GRIK2: variants seen among roughly 807,000 people sequenced by gnomAD.
GRIK2 encodes glutamate ionotropic receptor kainate type subunit 2.
GRIK2 carries 32 observed loss-of-function variants against 100.3 expected under a neutral mutation model. That is an observed-to-expected ratio of 0.32 (90% CI 0.24 to 0.43). The LOEUF is 0.43. Among genes scored for constraint, GRIK2 ranks in the 20% least tolerant of loss-of-function variants. GRIK2 has a pLI of 1.00. For synonymous variants in GRIK2, 417 were observed against 389.4 expected (o/e 1.07, Z -0.83); for missense variants, 843 against 1,114.9 (o/e 0.76, Z 3.47).
intron 12 of GRIK2, among the ~76,000 whole-genome samples, chr6:101,909,747 C>T (rs1194446996): frequency 2.0e-5 from 3 of 150,760 alleles, no homozygotes. Context: ...TACATATACA[C>T]ACATACAGAT....
chr6:102,001,864 A>C (rs1459017566), intron 14 of GRIK2, among the ~76,000 whole-genome samples: 1 of 151,820 alleles, frequency 6.6e-6, no homozygotes, highest in Admixed American at 6.6e-5. Flanking sequence ...TTTCTAAGTA[A>C]TCAATGATTT....
chr6:101,979,104 C>T (rs1327432176), intron 14 of GRIK2, among the ~76,000 whole-genome samples: 2 of 152,066 alleles, frequency 1.3e-5, no homozygotes, highest in East Asian at 3.9e-4. Flanking sequence ...CAGTTTTATG[C>T]TCCCAAATTC....
intron 11 of GRIK2, among the ~76,000 whole-genome samples, chr6:101,877,109 G>C (rs1785905636): frequency 6.6e-6 from 1 of 151,612 alleles, no homozygotes. Context: ...AAAGTAATTG[G>C]TGCAATGTTA....
At chr6:101,601,417 A>G (rs890247715) in intron 2 of GRIK2, among the ~76,000 whole-genome samples, 3 of 151,848 alleles carry the variant, frequency 2.0e-5, no homozygotes, top group African/African-American at 7.2e-5. Flanking sequence ...TGTCTCTGCT[A>G]GGTTTTGGTA....
chr6:101,568,123 C>A (rs545830131), intron 2 of GRIK2, among the ~76,000 whole-genome samples: 1 of 151,770 alleles, frequency 6.6e-6, no homozygotes, highest in Admixed American at 6.6e-5. Context: ...GTTTAAGTAG[C>A]TTTTTTGTCA....
intron 14 of GRIK2, among the ~76,000 whole-genome samples, chr6:101,950,454 G>A (rs776704551): frequency 1.3e-5 from 2 of 152,108 alleles, no homozygotes; most frequent in African/African-American, 4.8e-5. Flanking sequence ...ATCCAAAATT[G>A]TTGTTTTGTG....
At chr6:101,747,278 G>T (rs1177252685) in intron 7 of GRIK2, among the ~76,000 whole-genome samples, 1 of 152,164 alleles carries the variant, frequency 6.6e-6, no homozygotes, top group Non-Finnish European at 1.5e-5. Flanking sequence ...TTCTAAAAAT[G>T]GTTTGCATGT....
chr6:101,737,794 A>AT (rs1387239036), intron 7 of GRIK2, among the ~76,000 whole-genome samples: 6 of 152,142 alleles, frequency 3.9e-5, no homozygotes, highest in Non-Finnish European at 5.9e-5. Context: ...CTACAAAGTG[A>AT]TTTTTTATAG....
intron 2 of GRIK2, among the ~76,000 whole-genome samples, chr6:101,464,610 G>C (rs1344615084): frequency 2.3e-5 from 3 of 133,280 alleles, no homozygotes; most frequent in Non-Finnish European, 4.6e-5. Flanking sequence ...TCCGCCTCTC[G>C]GGTTCACGCC....
chr6:101,731,800 A>G (rs932608683), intron 7 of GRIK2, among the ~76,000 whole-genome samples: 8 of 152,028 alleles, frequency 5.3e-5, no homozygotes, highest in African/African-American at 1.9e-4. Context: ...CTAACAGACA[A>G]GACAGAATTC....
chr6:101,605,404 C>T (rs1338629957), intron 2 of GRIK2, among the ~76,000 whole-genome samples: 1 of 151,930 alleles, frequency 6.6e-6, no homozygotes, highest in African/African-American at 2.4e-5. Context: ...TCCTTCTCTT[C>T]CTTTTTCTTT....
At chr6:101,850,312 A>G (rs1386626389) in intron 10 of GRIK2, among the ~76,000 whole-genome samples, 1 of 151,974 alleles carries the variant, frequency 6.6e-6, no homozygotes, top group East Asian at 1.9e-4. Flanking sequence ...TAGCACCTGG[A>G]AGAGTGTTGG....
At chr6:101,668,027 A>G (rs1408009549) in intron 4 of GRIK2, among the ~76,000 whole-genome samples, 1 of 152,174 alleles carries the variant, frequency 6.6e-6, no homozygotes. Flanking sequence ...TCAATTTACT[A>G]GGTTATATCA....
At chr6:101,871,172 C>T (rs936991714) in intron 11 of GRIK2, among the ~76,000 whole-genome samples, 6 of 151,578 alleles carry the variant, frequency 4.0e-5, no homozygotes, top group Non-Finnish European at 8.8e-5. Flanking sequence ...AAAAGTCATC[C>T]TGGGCAACAC....
At chr6:101,779,186 C>G (rs957897910) in intron 7 of GRIK2, among the ~76,000 whole-genome samples, 4 of 151,870 alleles carry the variant, frequency 2.6e-5, no homozygotes, top group Admixed American at 2.6e-4. Context: ...ACCTTAAAGA[C>G]TCATCAGTCA....
At chr6:101,584,974 G>A (rs1337091962) in intron 2 of GRIK2, among the ~76,000 whole-genome samples, 9 of 151,944 alleles carry the variant, frequency 5.9e-5, no homozygotes, top group Non-Finnish European at 7.4e-5. Flanking sequence ...GAGAATTCTC[G>A]TTAGTAAACC....
At chr6:101,797,181 G>T (rs147063591) in intron 7 of GRIK2, among the ~76,000 whole-genome samples, 52 of 148,462 alleles carry the variant, frequency 3.5e-4, no homozygotes, top group Admixed American at 5.3e-4. Flanking sequence ...TTTTTATCTT[G>T]GCAATAACTG....
At chr6:102,016,289 A>AAAAAG (rs2114341010) in intron 14 of GRIK2, among the ~76,000 whole-genome samples, 1 of 152,280 alleles carries the variant, frequency 6.6e-6, no homozygotes, top group East Asian at 1.9e-4. Context: ...GCCAGTATAG[A>AAAAAG]AAAAGAATAT....
chr6:101,533,357 C>T (rs1582658256), intron 2 of GRIK2, among the ~76,000 whole-genome samples: 1 of 151,470 alleles, frequency 6.6e-6, no homozygotes, highest in Non-Finnish European at 1.5e-5. Flanking sequence ...GCATAAATAA[C>T]AGTATAGGGA....
Sources: allele counts gnomAD v4.1 joint callset (sites outside exome capture counted in the v4.1 genomes callset), GRCh38; gene constraint gnomAD v4.1.1; transcripts MANE v1.5; gene names NCBI Gene and HGNC (gene_info 2026-07-23, HGNC 2026-07-21).